NEGR1: variants seen among roughly 807,000 people sequenced by gnomAD.
NEGR1 encodes the protein IgLON family member 4.
In NEGR1, 10 loss-of-function variants were observed where a neutral mutation model predicts 40.9. That is an observed-to-expected ratio of 0.24 (90% CI 0.15 to 0.42). The LOEUF is 0.42. NEGR1 is among the 10% of genes least tolerant of loss of function. The pLI is 1.00. For synonymous variants in NEGR1, 185 were observed against 166.8 expected, an observed-to-expected ratio of 1.11 and a Z score of -0.84; for missense variants, 352 against 438.9, an observed-to-expected ratio of 0.80 and a Z score of 1.77.
intron 1 of NEGR1, among the ~76,000 whole-genome samples, chr1:72,041,509 CA>C (rs1646953970): frequency 1.4e-5 from 2 of 147,156 alleles, no homozygotes; most frequent in African/African-American, 5.0e-5. Flanking sequence ...TTTGTGTACT[CA>C]AGGACTTAGG....
intron 1 of NEGR1, among the ~76,000 whole-genome samples, chr1:72,164,780 A>G (rs1441914031): frequency 1.3e-5 from 2 of 151,994 alleles, no homozygotes; most frequent in Non-Finnish European, 2.9e-5. Flanking sequence ...GGAACCAAAT[A>G]AAGTGTATAT....
intron 3 of NEGR1, among the ~76,000 whole-genome samples, chr1:71,706,174 G>T (rs758827687): frequency 6.6e-6 from 1 of 152,204 alleles, no homozygotes; most frequent in Non-Finnish European, 1.5e-5. Flanking sequence ...TTGGACGCTG[G>T]GGGAGGGAGA....
chr1:72,137,419 A>C (rs1330279928), intron 1 of NEGR1, among the ~76,000 whole-genome samples: 2 of 152,204 alleles, frequency 1.3e-5, no homozygotes, highest in Non-Finnish European at 2.9e-5. Context: ...GCAGCCATAA[A>C]AAAGGATGAG....
At chr1:71,908,104 A>G (rs1661327501) in intron 2 of NEGR1, among the ~76,000 whole-genome samples, 1 of 152,006 alleles carries the variant, frequency 6.6e-6, no homozygotes, top group Non-Finnish European at 1.5e-5. Flanking sequence ...CCTCAGCATC[A>G]CACAATAAAT....
chr1:71,730,606 C>A (rs1381597003), intron 3 of NEGR1, among the ~76,000 whole-genome samples: 2 of 127,132 alleles, frequency 1.6e-5, no homozygotes, highest in African/African-American at 5.9e-5. Context: ...TTTGAAAAGT[C>A]TGTATGGCTT....
chr1:71,794,210 T>G (rs1329500717), intron 2 of NEGR1: 1 of 152,176 alleles, frequency 6.6e-6, no homozygotes, highest in Non-Finnish European at 1.5e-5. Context: ...CTTCCCCCCT[T>G]AAATCTATAA....
At chr1:71,766,856 A>G (rs1183469658) in intron 3 of NEGR1, among the ~76,000 whole-genome samples, 11 of 152,100 alleles carry the variant, frequency 7.2e-5, no homozygotes, top group Non-Finnish European at 1.5e-4. Flanking sequence ...TGTTGTTTAA[A>G]AGAGTGGAGA....
At chr1:72,194,060 A>T (rs938869808) in intron 1 of NEGR1, among the ~76,000 whole-genome samples, 4 of 151,918 alleles carry the variant, frequency 2.6e-5, no homozygotes, top group African/African-American at 9.7e-5. Context: ...TTTTAGAATT[A>T]TTAAAATTTA....
intron 1 of NEGR1, among the ~76,000 whole-genome samples, chr1:72,057,168 GAATA>G (rs1647118536): frequency 6.6e-6 from 1 of 151,520 alleles, no homozygotes; most frequent in Non-Finnish European, 1.5e-5. Context: ...TTGAATGGAA[GAATA>G]AATAGATGGA....
intron 4 of NEGR1, among the ~76,000 whole-genome samples, chr1:71,668,892 A>G (rs984164899): frequency 6.6e-6 from 1 of 152,098 alleles, no homozygotes; most frequent in Admixed American, 6.6e-5. Flanking sequence ...ACATCTTGAC[A>G]TGTGTCAACG....
intron 6 of NEGR1, among the ~76,000 whole-genome samples, chr1:71,462,551 A>G (rs547240689): frequency 1.3e-5 from 2 of 152,278 alleles, no homozygotes; most frequent in East Asian, 1.9e-4. Flanking sequence ...GATACTTCAA[A>G]TGATTTTACC....
chr1:71,463,998 G>C (rs1217924966), intron 6 of NEGR1, among the ~76,000 whole-genome samples: 1 of 152,140 alleles, frequency 6.6e-6, no homozygotes, highest in Non-Finnish European at 1.5e-5. Context: ...TTTCTTCATG[G>C]AAAAGGTTGG....
At chr1:71,868,221 C>T (rs1276773712) in intron 2 of NEGR1, among the ~76,000 whole-genome samples, 3 of 152,064 alleles carry the variant, frequency 2.0e-5, no homozygotes, top group Non-Finnish European at 4.4e-5. Context: ...GGAAAATATT[C>T]TCATGGCAAT....
At chr1:71,882,178 G>T (rs1660600725) in intron 2 of NEGR1, among the ~76,000 whole-genome samples, 1 of 152,050 alleles carries the variant, frequency 6.6e-6, no homozygotes. Context: ...CGCGAAACTT[G>T]CTTTGTAGTT....
intron 1 of NEGR1, among the ~76,000 whole-genome samples, chr1:72,063,691 T>C (rs1206642663): frequency 6.6e-6 from 1 of 151,896 alleles, no homozygotes. Context: ...ATATGAAGAT[T>C]AAAATTTTTA....
At chr1:71,886,264 A>G (rs921423492) in intron 2 of NEGR1, among the ~76,000 whole-genome samples, 32 of 152,308 alleles carry the variant, frequency 2.1e-4, no homozygotes, top group African/African-American at 7.5e-4. Context: ...GTTGTTCCCT[A>G]ATAAAAATGG....
intron 1 of NEGR1, among the ~76,000 whole-genome samples, chr1:72,061,427 C>T (rs895770897): frequency 1.3e-5 from 2 of 151,568 alleles, no homozygotes; most frequent in African/African-American, 4.8e-5. Flanking sequence ...CCAGAAATGC[C>T]AATTTCCAAA....
chr1:71,717,402 T>C (rs533220640), intron 3 of NEGR1, among the ~76,000 whole-genome samples: 1 of 152,038 alleles, frequency 6.6e-6, no homozygotes, highest in African/African-American at 2.4e-5. Flanking sequence ...TTAGTATTAC[T>C]TTTTTTTGAG....
rs533657226 is a variant in NEGR1, at chr1:71,772,853, A to G, written c.535+3319T>C. 2.0e-5 allele frequency among the ~76,000 whole-genome samples: 3 copies of G among 152,332 alleles called. No homozygotes were observed. In the East Asian group the frequency reaches 5.8e-4, roughly 29 times the overall value. On this transcript the variant is annotated intron_variant, in intron 3 of 6. Coordinates refer to ENST00000357731, the MANE Select transcript of NEGR1 (RefSeq NM_173808.3). ...GATGAAGCAAATTGACAAAATCCCA[A>G]TGAATCTAACTGGGTAAAGCATACA...
Sources: gnomAD v4.1 joint callset for allele counts (sites outside exome capture counted in the v4.1 genomes callset) on GRCh38, gnomAD v4.1.1 for gene constraint, MANE v1.5 for transcripts, NCBI Gene and HGNC (gene_info 2026-07-23, HGNC 2026-07-21) for gene names.